Variants in TG observed in about 807,000 individuals in gnomAD.
TG encodes the protein thyroid hormones.
Under a neutral mutation model 324.7 loss-of-function variants are expected in TG, and 270 were observed. The observed-to-expected ratio is 0.83, with a 90% confidence interval of 0.75 to 0.92. The LOEUF is 0.92. Ranked by LOEUF, TG falls within the 40% of genes least tolerant of loss-of-function variation. The probability of loss-of-function intolerance (pLI) is 0.00; values close to 1 mark genes in which losing one functional copy is unlikely to be tolerated. For synonymous variants in TG, 1,401 were observed against 1,327.0 expected (o/e 1.06, Z -1.21); for missense variants, 3,591 against 3,456.4 (o/e 1.04, Z -0.98).
At chr8:133,115,422 G>T (rs537292273) in intron 44 of TG, among the ~76,000 whole-genome samples, 1 of 152,148 alleles carries the variant, frequency 6.6e-6, no homozygotes, top group Non-Finnish European at 1.5e-5. Flanking sequence ...TGCATGGGGG[G>T]AAACTCAGTT....
intron 25 of TG, 49 bp from the exon 26 acceptor site, chr8:132,941,302 T>C: frequency 6.2e-7 from 1 of 1,610,176 alleles, no homozygotes; most frequent in Non-Finnish European, 8.5e-7. Context: ...TCTGTCCAAC[T>C]CTGCCATGTT....
intron 35 of TG, chr8:133,002,703 C>A: frequency 4.3e-6 from 1 of 232,766 alleles, no homozygotes; most frequent in South Asian, 7.2e-5. Context: ...GCTGGCGCTT[C>A]AGTTGAGCCC....
intron 45 of TG, among the ~76,000 whole-genome samples, chr8:133,130,544 A>G (rs574607362): frequency 6.6e-6 from 1 of 152,280 alleles, no homozygotes; most frequent in East Asian, 1.9e-4. Flanking sequence ...GTGACTGGGA[A>G]TGGCCCTCAG....
At chr8:132,959,044 T>A (rs1827372635) in intron 27 of TG, among the ~76,000 whole-genome samples, 2 of 152,220 alleles carry the variant, frequency 1.3e-5, no homozygotes, top group South Asian at 4.1e-4. Flanking sequence ...TTTGAGTAGA[T>A]CCTTTAGAGA....
At chr8:132,901,307 G>A (rs1398468481) in intron 15 of TG, 46 bp from the exon 16 acceptor site, 2 of 1,607,060 alleles carry the variant, frequency 1.2e-6, no homozygotes, top group East Asian at 2.2e-5. Flanking sequence ...TCTGAGCAGG[G>A]AGTGGGCACT....
At chr8:132,921,175 T>C (rs1708007326) in intron 21 of TG, among the ~76,000 whole-genome samples, 1 of 152,176 alleles carries the variant, frequency 6.6e-6, no homozygotes. Flanking sequence ...CACCTCCAAA[T>C]ACCATCACAC....
chr8:133,022,452 A>C (rs181000907), intron 40 of TG, among the ~76,000 whole-genome samples: 1 of 152,184 alleles, frequency 6.6e-6, no homozygotes, highest in East Asian at 1.9e-4. Context: ...ATTGAGGCCC[A>C]AGAAGATTAG....
At chr8:133,112,233 C>A (rs1013618335) in intron 43 of TG, among the ~76,000 whole-genome samples, 3 of 152,286 alleles carry the variant, frequency 2.0e-5, no homozygotes, top group African/African-American at 7.2e-5. Flanking sequence ...ATTCTAATCA[C>A]AGGTCCTGTG....
At chr8:133,058,159 G>C (rs1321004504) in intron 41 of TG, among the ~76,000 whole-genome samples, 1 of 152,212 alleles carries the variant, frequency 6.6e-6, no homozygotes, top group African/African-American at 2.4e-5. Flanking sequence ...CGGCATCACT[G>C]CACCGCCTTC....
rs531984595 is a variant in TG, at chr8:132,906,560, G to C, written c.3635-128G>C. 29 of 1,077,460 alleles carry C rather than the reference G, an allele frequency of 2.7e-5. No homozygotes were observed. In the South Asian group the frequency reaches 4.3e-4, roughly 16 times the overall value. The allele number at this position is 1,077,460 out of a possible 1,614,324, so 66.7% of individuals were successfully genotyped here. A position where few individuals can be genotyped will look rare whatever the true frequency, so the allele number is the denominator to read the frequency against. ...GGCCCAGGCCAGGCCCTGAGAGCTTGACAGGTCCAGGGAAGGGGAGAGGAG... is the reference window on the plus strand; with the variant it reads ...GGCCCAGGCCAGGCCCTGAGAGCTTCACAGGTCCAGGGAAGGGGAGAGGAG... On this transcript the variant is annotated intron_variant, in intron 16 of 47. Coordinates refer to ENST00000220616, the MANE Select transcript of TG (RefSeq NM_003235.5).
rs200756014 is a variant in TG at position 133,049,991 on chromosome 8, G to T, written c.7239+19968G>T. 2.0e-5 allele frequency: 32 copies of T among 1,601,252 alleles called. No individual in the cohort carries two copies. The highest frequency in any genetic ancestry group is 2.7e-5 in the Non-Finnish European group (32 of 1,168,366). On this transcript the variant is annotated intron_variant, in intron 41 of 47. Coordinates refer to ENST00000220616, the MANE Select transcript of TG (RefSeq NM_003235.5). ...TAGCTTTCCACCAGCCCCCTTCACT[G>T]TAAGAACAAGAACAGAGAAGAACAC...
intron 4 of TG, among the ~76,000 whole-genome samples, chr8:132,871,823 TCTAA>T (rs1429040395): frequency 6.6e-6 from 1 of 152,224 alleles, no homozygotes; most frequent in South Asian, 2.1e-4. Context: ...TGCATGGGTC[TCTAA>T]CTGTCACGTG....
chr8:132,916,214 A>G (rs536672356), intron 20 of TG, among the ~76,000 whole-genome samples: 2 of 152,342 alleles, frequency 1.3e-5, no homozygotes, highest in African/African-American at 4.8e-5. Flanking sequence ...AATAGGGATA[A>G]TAATACTTAT....
intron 41 of TG, among the ~76,000 whole-genome samples, chr8:133,052,110 G>A (rs1364984516): frequency 2.0e-5 from 3 of 151,818 alleles, no homozygotes; most frequent in Admixed American, 2.0e-4. Flanking sequence ...CCACTTTCTA[G>A]GATCCACACA....
intron 27 of TG, among the ~76,000 whole-genome samples, chr8:132,950,182 C>T (rs1350632080): frequency 1.3e-5 from 2 of 152,210 alleles, no homozygotes; most frequent in Admixed American, 6.5e-5. Context: ...TCTTCCAGCT[C>T]CAGAGTGAGG....
At chr8:133,020,152 G>A (rs1419780209) in intron 39 of TG, among the ~76,000 whole-genome samples, 1 of 152,248 alleles carries the variant, frequency 6.6e-6, no homozygotes, top group Non-Finnish European at 1.5e-5. Context: ...AGGATATTCA[G>A]ATGGGCAGAG....
At chr8:132,868,676 C>T (rs536295254) in intron 2 of TG, among the ~76,000 whole-genome samples, 6 of 152,266 alleles carry the variant, frequency 3.9e-5, no homozygotes, top group Non-Finnish European at 8.8e-5. Context: ...CGACCCTGCC[C>T]GGACTAGCTC....
At chr8:133,037,448 T>A (rs1837297234) in intron 41 of TG, 1 of 152,192 alleles carries the variant, frequency 6.6e-6, no homozygotes, top group South Asian at 2.1e-4. Context: ...AATCCAGCTA[T>A]TCTTACCTAC....
At chr8:132,928,164 C>G (rs952759497) in intron 22 of TG, among the ~76,000 whole-genome samples, 1 of 152,130 alleles carries the variant, frequency 6.6e-6, no homozygotes, top group Admixed American at 6.5e-5. Flanking sequence ...GAAAAAATCA[C>G]TTTGGATGGC....
Sources: allele counts gnomAD v4.1 joint callset (sites outside exome capture counted in the v4.1 genomes callset), GRCh38; gene constraint gnomAD v4.1.1; transcripts MANE v1.5; gene names NCBI Gene and HGNC (gene_info 2026-07-23, HGNC 2026-07-21).